SLC14A2: variants seen among roughly 807,000 people sequenced by gnomAD.
SLC14A2 encodes solute carrier family 14 member 2, also known as urea transporter 2.
A neutral mutation model predicts 104.6 loss-of-function variants in SLC14A2; 91 were observed. The observed-to-expected ratio is 0.87, with a 90% confidence interval of 0.73 to 1.04. The LOEUF (loss-of-function observed/expected upper bound fraction) is 1.04. Among genes scored for constraint, SLC14A2 ranks in the 50% least tolerant of loss-of-function variants. The probability of loss-of-function intolerance (pLI) is 0.00; values close to 1 mark genes in which losing one functional copy is unlikely to be tolerated. For synonymous variants in SLC14A2, 476 were observed against 466.4 expected (o/e 1.02, Z -0.27); for missense variants, 1,189 against 1,156.0 (o/e 1.03, Z -0.41).
At chr18:45,170,510 G>A in the SLC14A2 span, among the ~76,000 whole-genome samples, 1 of 152,148 alleles carries the variant, frequency 6.6e-6, no homozygotes, top group Admixed American at 6.6e-5. Context: ...AGGAACTCAG[G>A]ACCTTACAAG....
intron 1 of SLC14A2, among the ~76,000 whole-genome samples, chr18:45,299,801 C>G (rs2084950851): frequency 6.6e-6 from 1 of 152,204 alleles, no homozygotes; most frequent in South Asian, 2.1e-4. Context: ...GAAAAGGCAG[C>G]AACACCAAGT....
Position 45,514,761 on chromosome 18 carries a change from C to A in SLC14A2, c.-35+31439C>A, listed in dbSNP as rs550306349. ...AAAGATGAGTAAAGCCCAACTTATACCCTCGAAACGTAGATGGGGAAACAC... is the reference window on the plus strand; with the variant it reads ...AAAGATGAGTAAAGCCCAACTTATAACCTCGAAACGTAGATGGGGAAACAC... On this transcript the variant is annotated intron_variant, in intron 2 of 20. Coordinates refer to the SLC14A2 transcript ENST00000586448. Among the ~76,000 whole-genome samples the A allele has an allele frequency of 6.2e-4, 94 of 152,276 alleles. 1 individual carries two copies. Among genetic ancestry groups the A allele is most frequent in the African/African-American group, 2.1e-3 (86 of 41,558 alleles).
At chr18:45,531,614 G>A (rs1184589305) in intron 2 of SLC14A2, among the ~76,000 whole-genome samples, 1 of 152,138 alleles carries the variant, frequency 6.6e-6, no homozygotes, top group African/African-American at 2.4e-5. Flanking sequence ...TTTGTCAGAT[G>A]AGTAGGTTGC....
chr18:45,467,110 C>T (rs185480979), intron 1 of SLC14A2, among the ~76,000 whole-genome samples: 338 of 152,114 alleles, frequency 2.2e-3, no homozygotes, highest in Admixed American at 4.3e-3. Context: ...TAGCCAGGGA[C>T]GGCACAGAGC....
chr18:45,391,113 T>C (rs1030344372), intron 1 of SLC14A2, among the ~76,000 whole-genome samples: 1 of 152,060 alleles, frequency 6.6e-6, no homozygotes, highest in African/African-American at 2.4e-5. Context: ...TGGTGTGTGA[T>C]GTTCCCCTTC....
intron 2 of SLC14A2, among the ~76,000 whole-genome samples, chr18:45,554,511 G>A (rs926584424): frequency 4.6e-5 from 7 of 152,126 alleles, no homozygotes; most frequent in Non-Finnish European, 7.3e-5. Context: ...TGGGGGTGGA[G>A]GGAATTTGTT....
chr18:45,487,927 A>T (rs2144718598), intron 2 of SLC14A2, among the ~76,000 whole-genome samples: 1 of 152,296 alleles, frequency 6.6e-6, no homozygotes, highest in East Asian at 1.9e-4. Context: ...CCCAATAGCT[A>T]GGGTAATATG....
chr18:45,286,274 T>G (rs1013395825), intron 1 of SLC14A2, among the ~76,000 whole-genome samples: 2 of 152,198 alleles, frequency 1.3e-5, no homozygotes, highest in Admixed American at 6.5e-5. Context: ...TATAATCACA[T>G]GGCCTTGATT....
At chr18:45,351,342 T>G (rs2144307061) in intron 1 of SLC14A2, among the ~76,000 whole-genome samples, 1 of 152,244 alleles carries the variant, frequency 6.6e-6, no homozygotes, top group South Asian at 2.1e-4. Flanking sequence ...TCTATTCCAC[T>G]TATGCACCGT....
rs1165070845 is a variant in SLC14A2 at position 45,250,751 on chromosome 18, C to CTGACTTTTTTTTTTTTTTTTTTTTTTT, written c.-125+37561_-125+37562insGACTTTTTTTTTTTTTTTTTTTTTTTT. ...AACTGAATCCTCTGGCTAGTGGCTTCTTCCTTTTTTTTTTTTTTTTTTTTT... is the reference window on the plus strand; with the variant it reads ...AACTGAATCCTCTGGCTAGTGGCTTCTGACTTTTTTTTTTTTTTTTTTTTTTTTTCCTTTTTTTTTTTTTTTTTTTTT... On this transcript the variant is annotated intron_variant, in intron 1 of 20. Transcript: ENST00000586448. Among the ~76,000 whole-genome samples, 40 of 113,896 alleles carry CTGACTTTTTTTTTTTTTTTTTTTTTTT rather than the reference C, an allele frequency of 3.5e-4. 1 individual carries two copies. The highest frequency in any genetic ancestry group is 1.1e-3 in the African/African-American group (28 of 25,524). The allele number at this position is 113,896 out of a possible 152,430, so 74.7% of individuals were successfully genotyped here.
At chr18:45,252,403 G>A (rs1276903424) in intron 1 of SLC14A2, among the ~76,000 whole-genome samples, 1 of 152,186 alleles carries the variant, frequency 6.6e-6, no homozygotes. Flanking sequence ...GTGTCCCTCA[G>A]GGTTCCCCAG....
intron 1 of SLC14A2, among the ~76,000 whole-genome samples, chr18:45,347,487 A>C (rs1427614922): frequency 3.9e-5 from 6 of 152,212 alleles, no homozygotes; most frequent in Non-Finnish European, 5.9e-5. Flanking sequence ...TTATCTCCAC[A>C]AGAATGGGCC....
chr18:45,523,226 T>C (rs1471749741), intron 2 of SLC14A2, among the ~76,000 whole-genome samples: 1 of 152,054 alleles, frequency 6.6e-6, no homozygotes, highest in Non-Finnish European at 1.5e-5. Context: ...ATGCTGAGTC[T>C]GGATAACCCA....
intron 2 of SLC14A2, among the ~76,000 whole-genome samples, chr18:45,542,038 T>TG (rs2043893229): frequency 1.0e-4 from 4 of 39,896 alleles, no homozygotes; most frequent in Non-Finnish European, 1.3e-4. Flanking sequence ...AGAGAGGGTT[T>TG]TTTTTTTTTT....
chr18:45,533,848 G>A (rs1001782696), intron 2 of SLC14A2, among the ~76,000 whole-genome samples: 1 of 152,212 alleles, frequency 6.6e-6, no homozygotes, highest in Non-Finnish European at 1.5e-5. Context: ...TGCTATAAAT[G>A]TCCCTCTACA....
chr18:45,429,102 A>C (rs969506064), intron 1 of SLC14A2, among the ~76,000 whole-genome samples: 1 of 152,214 alleles, frequency 6.6e-6, no homozygotes, highest in African/African-American at 2.4e-5. Flanking sequence ...ACAAGAATGA[A>C]GTTATAGTGG....
chr18:45,654,733 G>C (rs1245766478), intron 10 of SLC14A2, among the ~76,000 whole-genome samples: 2 of 152,154 alleles, frequency 1.3e-5, no homozygotes, highest in Non-Finnish European at 2.9e-5. Flanking sequence ...AAAAGTCCAA[G>C]TGTCCTAACT....
chr18:45,177,400 T>A, the SLC14A2 span, among the ~76,000 whole-genome samples: 1 of 152,196 alleles, frequency 6.6e-6, no homozygotes, highest in Admixed American at 6.6e-5. Context: ...AAGATCAGTG[T>A]CCTTAAAAAG....
chr18:45,620,027 G>A lies in SLC14A2; in HGVS notation c.-35+4445G>A, dbSNP rs1039140379. Among the ~76,000 whole-genome samples, 11 of 152,330 alleles carry A rather than the reference G, an allele frequency of 7.2e-5. 1 individual carries two copies. The highest frequency in any genetic ancestry group is 2.0e-4 in the Admixed American group (3 of 15,302). On this transcript the variant is annotated intron_variant, in intron 1 of 19. Transcript: ENST00000255226. ...CACAGCCTGTGCTCCTTCCGGATGC[G>A]GAGACTTGCTCTCCACAGGGCCATT...
Sources: gnomAD v4.1 joint callset for allele counts (sites outside exome capture counted in the v4.1 genomes callset) on GRCh38, gnomAD v4.1.1 for gene constraint, MANE v1.5 for transcripts, NCBI Gene and HGNC (gene_info 2026-07-23, HGNC 2026-07-21) for gene names.